The following DIAPH2 variants were observed in gnomAD, a reference collection of about 807,000 sequenced individuals.
DIAPH2 encodes the protein protein diaphanous homolog 2.
DIAPH2 carries 35 observed loss-of-function variants against 92.7 expected under a neutral mutation model. The observed-to-expected ratio is 0.38, with a 90% confidence interval of 0.29 to 0.50. DIAPH2 has a LOEUF of 0.50. Ranked by LOEUF, DIAPH2 falls within the 20% of genes least tolerant of loss-of-function variation. The pLI is 0.94. For synonymous variants in DIAPH2, 301 were observed against 280.4 expected (o/e 1.07, Z -0.73); for missense variants, 701 against 819.5 (o/e 0.86, Z 1.77).
At chrX:97,037,140 G>A (rs1467991631) in intron 17 of DIAPH2, among the ~76,000 whole-genome samples, 1 of 111,189 alleles carries the variant, frequency 9.0e-6, no homozygotes, top group Admixed American at 9.6e-5. Context: ...ATTTAATTTA[G>A]TAATATATTA....
At chrX:97,298,064 T>C (rs1405731830) in intron 23 of DIAPH2, among the ~76,000 whole-genome samples, 1 of 109,156 alleles carries the variant, frequency 9.2e-6, no homozygotes, top group African/African-American at 3.3e-5. Context: ...TTTTGAGGGC[T>C]TAGGGTATGT....
At chrX:96,811,948 C>T (rs910677615) in intron 4 of DIAPH2, among the ~76,000 whole-genome samples, 12 of 111,465 alleles carry the variant, frequency 1.1e-4, no homozygotes, top group Non-Finnish European at 1.7e-4. Flanking sequence ...ATTTTTGCAT[C>T]GATGTTCATC....
intron 23 of DIAPH2, among the ~76,000 whole-genome samples, chrX:97,330,516 CTTT>C (rs750951678): frequency 9.9e-6 from 1 of 100,994 alleles, no homozygotes. Flanking sequence ...TTCTTTCTTT[CTTT>C]TTTTTTTTTT....
At chrX:96,931,015 G>T (rs771809823) in intron 10 of DIAPH2, among the ~76,000 whole-genome samples, 172 bp downstream of exon 10, 1 of 112,026 alleles carries the variant, frequency 8.9e-6, no homozygotes, top group Admixed American at 9.5e-5. Flanking sequence ...ACATACAAAT[G>T]ATGATTCAGA....
chrX:97,369,301 ATAATGGATATAT>A (rs2069418991), intron 24 of DIAPH2, among the ~76,000 whole-genome samples: 3 of 111,746 alleles, frequency 2.7e-5, no homozygotes, highest in African/African-American at 9.7e-5. Flanking sequence ...TGTTAAATAC[ATAATGGATATAT>A]TAACATTATA....
At chrX:97,519,958 G>A (rs187624142) in intron 26 of DIAPH2, among the ~76,000 whole-genome samples, 4,637 of 110,510 alleles carry the variant, frequency 0.042, 238 homozygotes, top group African/African-American at 0.15. Context: ...TGATCCACCC[G>A]CCTCGGCCTC....
At chrX:97,059,180 C>T (rs1369513095) in intron 17 of DIAPH2, among the ~76,000 whole-genome samples, 1 of 111,705 alleles carries the variant, frequency 9.0e-6, no homozygotes, top group African/African-American at 3.3e-5. Context: ...TGTAATCTCT[C>T]CATCTATATT....
intron 22 of DIAPH2, among the ~76,000 whole-genome samples, chrX:97,144,912 ACG>A (rs1391081695): frequency 9.0e-6 from 1 of 111,364 alleles, no homozygotes; most frequent in Non-Finnish European, 1.9e-5. Context: ...TTACAGGCGC[ACG>A]CCACCATGCC....
In DIAPH2 at chrX:97,463,167, C is replaced by T. The variant is rs756709406; in HGVS notation, c.3241+33422C>T. On this transcript the variant is annotated intron_variant, in intron 26 of 26. Coordinates refer to ENST00000324765, the MANE Select transcript of DIAPH2 (RefSeq NM_006729.5). ...GAGTTCATGGGCCTTTAATCTAGTGCTTGAAACGAGACTTCACTTATCCTC... is the reference window on the plus strand; with the variant it reads ...GAGTTCATGGGCCTTTAATCTAGTGTTTGAAACGAGACTTCACTTATCCTC... Among the ~76,000 whole-genome samples the T allele has an allele frequency of 5.0e-4, 55 of 109,761 alleles. No individual in the cohort carries two copies. The Middle Eastern group carries it at 0.014, about 28-fold the overall frequency.
intron 21 of DIAPH2, 39 bp downstream of exon 21, chrX:97,115,004 T>A (rs1179665298): frequency 4.5e-6 from 5 of 1,101,559 alleles, no homozygotes; most frequent in Non-Finnish European, 4.8e-6. Context: ...ACAACAATAA[T>A]CTTCTTGTCT....
At chrX:97,446,401 C>T (rs1259369715) in intron 26 of DIAPH2, among the ~76,000 whole-genome samples, 6 of 111,412 alleles carry the variant, frequency 5.4e-5, no homozygotes, top group Non-Finnish European at 1.1e-4. Flanking sequence ...TTATTTTTGT[C>T]TCTCCAAATT....
intron 26 of DIAPH2, among the ~76,000 whole-genome samples, chrX:97,542,568 C>A (rs1379463551): frequency 8.9e-6 from 1 of 112,183 alleles, no homozygotes; most frequent in Non-Finnish European, 1.9e-5. Flanking sequence ...AGGTAATTCA[C>A]TATTACCTGT....
chrX:96,866,547 G>A (rs1423352428), intron 4 of DIAPH2, among the ~76,000 whole-genome samples: 2 of 111,405 alleles, frequency 1.8e-5, no homozygotes, highest in Admixed American at 1.9e-4. Context: ...TATAGAATTG[G>A]CAGCAGAGCC....
At chrX:96,816,518 A>G (rs1177700771) in intron 4 of DIAPH2, among the ~76,000 whole-genome samples, 2 of 112,414 alleles carry the variant, frequency 1.8e-5, no homozygotes, top group African/African-American at 6.5e-5. Flanking sequence ...TAAAATTACA[A>G]TGAGGTATCA....
intron 21 of DIAPH2, among the ~76,000 whole-genome samples, chrX:97,140,247 C>G (rs981743539): frequency 1.8e-5 from 2 of 110,978 alleles, no homozygotes; most frequent in Non-Finnish European, 3.8e-5. Context: ...AAAAACGATG[C>G]ACTTTGTAAA....
chrX:96,862,339 C>T (rs927823925), intron 4 of DIAPH2, among the ~76,000 whole-genome samples: 2 of 111,827 alleles, frequency 1.8e-5, no homozygotes, highest in African/African-American at 3.3e-5. Context: ...ATGCCAAACA[C>T]GGTACATTTT....
chrX:97,405,734 A>G (rs759873111), intron 25 of DIAPH2, among the ~76,000 whole-genome samples: 4 of 111,923 alleles, frequency 3.6e-5, no homozygotes, highest in African/African-American at 1.3e-4. Context: ...TATTAGTTCA[A>G]ACCATATGAA....
intron 1 of DIAPH2, among the ~76,000 whole-genome samples, chrX:96,726,446 A>G (rs181821405): frequency 2.1e-4 from 24 of 112,192 alleles, no homozygotes; most frequent in African/African-American, 7.8e-4. Flanking sequence ...AGAAGGAACC[A>G]TGGGAGACTA....
intron 22 of DIAPH2, among the ~76,000 whole-genome samples, chrX:97,197,444 G>A (rs914797745): frequency 5.4e-5 from 6 of 111,761 alleles, no homozygotes; most frequent in African/African-American, 1.3e-4. Flanking sequence ...GTGCAAATTC[G>A]AATATCTTAG....
Sources: gnomAD v4.1 joint callset for allele counts (sites outside exome capture counted in the v4.1 genomes callset) on GRCh38, gnomAD v4.1.1 for gene constraint, MANE v1.5 for transcripts, NCBI Gene and HGNC (gene_info 2026-07-23, HGNC 2026-07-21) for gene names.